The following DHRS3 variants were observed in gnomAD, a reference collection of about 807,000 sequenced individuals.
DHRS3 encodes the protein dehydrogenase/reductase 3.
DHRS3 carries 14 observed loss-of-function variants against 27.2 expected under a neutral mutation model. That is an observed-to-expected ratio of 0.52 (90% CI 0.34 to 0.81). The LOEUF is 0.81. DHRS3 is among the 30% of genes least tolerant of loss of function. The probability of loss-of-function intolerance (pLI) is 0.01; values close to 1 mark genes in which losing one functional copy is unlikely to be tolerated. For synonymous variants in DHRS3, 165 were observed against 175.9 expected, an observed-to-expected ratio of 0.94 and a Z score of 0.49; for missense variants, 322 against 406.2, an observed-to-expected ratio of 0.79 and a Z score of 1.78.
intron 1 of DHRS3, among the ~76,000 whole-genome samples, chr1:12,588,309 CT>C (rs992876277): frequency 6.6e-6 from 1 of 152,240 alleles, no homozygotes; most frequent in African/African-American, 2.4e-5. Flanking sequence ...GGGCCAGACA[CT>C]GTGCTGAGTA....
chr1:12,614,702 CTTTT>C (rs70987260), intron 1 of DHRS3, among the ~76,000 whole-genome samples: 10 of 92,658 alleles, frequency 1.1e-4, no homozygotes, highest in East Asian at 2.9e-4. Flanking sequence ...CTCTGGTACA[CTTTT>C]TTTTTTTTTT....
intron 5 of DHRS3, among the ~76,000 whole-genome samples, chr1:12,569,225 T>TCACACA (rs1557509277): frequency 4.6e-4 from 54 of 118,024 alleles, no homozygotes; most frequent in South Asian, 2.5e-3. Flanking sequence ...CCCCTCTCTC[T>TCACACA]CTCTCTCACA....
intron 1 of DHRS3, among the ~76,000 whole-genome samples, chr1:12,614,515 A>T (rs927049755): frequency 1.5e-4 from 16 of 103,594 alleles, no homozygotes; most frequent in South Asian, 1.1e-3. Flanking sequence ...TGTGCCTTTA[A>T]AAAAAAAAAA....
At chr1:12,587,419 C>T (rs540207131) in intron 1 of DHRS3, among the ~76,000 whole-genome samples, 3 of 152,304 alleles carry the variant, frequency 2.0e-5, no homozygotes, top group South Asian at 4.1e-4. Flanking sequence ...GCTGGGATTA[C>T]AGGCATAAGC....
intron 1 of DHRS3, among the ~76,000 whole-genome samples, chr1:12,615,528 G>A (rs912026741): frequency 2.0e-5 from 3 of 152,084 alleles, no homozygotes; most frequent in Non-Finnish European, 4.4e-5. Context: ...ATAGTCAGTC[G>A]AGTTTTTCCA....
At chr1:12,599,655 A>G (rs1359929725) in intron 1 of DHRS3, among the ~76,000 whole-genome samples, 1 of 151,706 alleles carries the variant, frequency 6.6e-6, no homozygotes, top group Non-Finnish European at 1.5e-5. Flanking sequence ...AAGGAAACAA[A>G]CTCTCTCATC....
intron 1 of DHRS3, among the ~76,000 whole-genome samples, chr1:12,606,645 A>G (rs1007446061): frequency 9.9e-5 from 15 of 150,916 alleles, no homozygotes; most frequent in Non-Finnish European, 1.6e-4. Flanking sequence ...ATGTGCCACC[A>G]TGCCAAGCTA....
intron 1 of DHRS3, among the ~76,000 whole-genome samples, chr1:12,590,063 T>C (rs7535209): frequency 0.3 from 45,390 of 151,482 alleles, 7,152 homozygotes; most frequent in African/African-American, 0.42. Context: ...GGCTCTCCTT[T>C]TTCTACGTCC....
rs904463967 is a variant in DHRS3 at position 12,591,711 on chromosome 1, C to CAAGCGGT, written c.196-11052_196-11046dup. Reference sequence around the variant, plus strand: ...GATACACGAAGGGGCTATGTAATTCCAAGCGGTAAGCGGTAGAGCTGGGAC... The same window carrying CAAGCGGT: ...GATACACGAAGGGGCTATGTAATTCCAAGCGGTAAGCGGTAAGCGGTAGAGCTGGGAC... On this transcript the variant is annotated intron_variant, in intron 1 of 5. Coordinates refer to ENST00000616661, the MANE Select transcript of DHRS3 (RefSeq NM_004753.7). This position sits in a 1 kb window ranked among gnomAD's most constrained non-coding sequence, Gnocchi z 4.1. Among the ~76,000 whole-genome samples, 28 of 152,244 alleles carry CAAGCGGT rather than the reference C, an allele frequency of 1.8e-4. No individual in the cohort carries two copies. Among genetic ancestry groups the CAAGCGGT allele is most frequent in the African/African-American group, 6.3e-4 (26 of 41,470 alleles).
intron 2 of DHRS3, 187 bp downstream of exon 2, chr1:12,580,336 C>T (rs768920854): frequency 6.5e-5 from 46 of 705,908 alleles, no homozygotes; most frequent in East Asian, 6.4e-4. Flanking sequence ...ACGCCTGTTA[C>T]GTAATCAACC....
intron 1 of DHRS3, chr1:12,616,484 TC>T: frequency 1.1e-6 from 1 of 878,764 alleles, no homozygotes; most frequent in Non-Finnish European, 1.4e-6. Flanking sequence ...TGGGGAGGGA[TC>T]CCTGGGGGGT....
intron 1 of DHRS3, among the ~76,000 whole-genome samples, chr1:12,610,101 C>T (rs772616248): frequency 6.6e-6 from 1 of 152,022 alleles, no homozygotes; most frequent in Non-Finnish European, 1.5e-5. Flanking sequence ...TTTTTTGAGA[C>T]AGAGTCTCCC....
At chr1:12,589,499 C>T (rs187038963) in intron 1 of DHRS3, among the ~76,000 whole-genome samples, 8 of 151,702 alleles carry the variant, frequency 5.3e-5, no homozygotes, top group African/African-American at 1.9e-4. Context: ...AGCGATTCTC[C>T]TGCCTCAGCC....
chr1:12,616,313 T>TCAGCC (rs1190180500), intron 1 of DHRS3, among the ~76,000 whole-genome samples: 1 of 152,068 alleles, frequency 6.6e-6, no homozygotes, highest in East Asian at 1.9e-4. Context: ...ACCGCGTGAG[T>TCAGCC]CAGCCTGGCC....
chr1:12,591,684 C>G lies in DHRS3; in HGVS notation c.196-11018G>C, dbSNP rs867561778. 1.3e-5 allele frequency among the ~76,000 whole-genome samples: 2 copies of G among 152,368 alleles called. No individual in the cohort carries two copies. The highest frequency in any genetic ancestry group is 6.8e-3 in the Middle Eastern group (2 of 294). ...TCAGAAGGGCTCATACCCGAGAAAA[C>G]TGATACACGAAGGGGCTATGTAATT... On this transcript the variant is annotated intron_variant, in intron 1 of 5. Coordinates refer to ENST00000616661, the MANE Select transcript of DHRS3 (RefSeq NM_004753.7). This position sits in a 1 kb window ranked among gnomAD's most constrained non-coding sequence, Gnocchi z 4.1.
At position 12,608,637 on chromosome 1, in the gene DHRS3, A is replaced by G. The variant is rs928669118; in HGVS notation, c.195+8517T>C. ...ATGACTCACAGAATCAAAGGGTAGA[A>G]GGGACCTAGGAGGTTGTCCAGAACC... On this transcript the variant is annotated intron_variant, in intron 1 of 5. Coordinates refer to ENST00000616661, the MANE Select transcript of DHRS3 (RefSeq NM_004753.7). This position sits in a 1 kb window ranked among gnomAD's most constrained non-coding sequence, Gnocchi z 4.1. Among the ~76,000 whole-genome samples the G allele has an allele frequency of 2.4e-4, 36 of 152,228 alleles. No individual in the cohort carries two copies. Among genetic ancestry groups the G allele is most frequent in the Admixed American group, 7.8e-4 (12 of 15,294 alleles).
intron 2 of DHRS3, 95 bp downstream of exon 2, chr1:12,580,428 C>T (rs777512183): frequency 6.3e-7 from 1 of 1,576,134 alleles, no homozygotes; most frequent in Admixed American, 1.7e-5. Flanking sequence ...CTGCCATAAG[C>T]AGAGCTCTCT....
chr1:12,585,197 G>GTGTGTTTGTGTATC (rs1448806934), intron 1 of DHRS3, among the ~76,000 whole-genome samples: 1 of 24,850 alleles, frequency 4.0e-5, no homozygotes, highest in East Asian at 8.3e-4. Flanking sequence ...TTCTGTGTGT[G>GTGTGTTTGTGTATC]TGTGTGTCTG....
intron 1 of DHRS3, among the ~76,000 whole-genome samples, chr1:12,606,378 GA>G (rs1646871878): frequency 1.3e-5 from 2 of 149,952 alleles, no homozygotes; most frequent in Non-Finnish European, 3.0e-5. Flanking sequence ...AATTCTGACT[GA>G]AAAATTAAAG....
Sources: allele counts gnomAD v4.1 joint callset (sites outside exome capture counted in the v4.1 genomes callset), GRCh38; gene constraint gnomAD v4.1.1; non-coding constraint Gnocchi (gnomAD v3.1); transcripts MANE v1.5; gene names NCBI Gene and HGNC (gene_info 2026-07-23, HGNC 2026-07-21).